Variants in NKAIN2 observed in about 807,000 individuals in gnomAD.
The protein encoded by NKAIN2 is sodium/potassium transporting ATPase interacting 2.
NKAIN2 carries 14 observed loss-of-function variants against 32.6 expected under a neutral mutation model. The observed-to-expected ratio is 0.43, with a 90% confidence interval of 0.28 to 0.67. NKAIN2 has a LOEUF of 0.67. Among genes scored for constraint, NKAIN2 ranks in the 30% least tolerant of loss-of-function variants. The pLI, the probability that NKAIN2 is intolerant of heterozygous loss-of-function variation, is 0.17. For synonymous variants in NKAIN2, 80 were observed against 87.2 expected, an observed-to-expected ratio of 0.92 and a Z score of 0.46; for missense variants, 198 against 258.3, an observed-to-expected ratio of 0.77 and a Z score of 1.60.
At chr6:123,878,712 G>T (rs1482368195) in intron 1 of NKAIN2, among the ~76,000 whole-genome samples, 2 of 152,082 alleles carry the variant, frequency 1.3e-5, no homozygotes, top group Non-Finnish European at 2.9e-5. Context: ...CACTACTGAT[G>T]CTCTGAATGC....
At chr6:123,866,604 G>C (rs557731524) in intron 1 of NKAIN2, among the ~76,000 whole-genome samples, 5 of 152,068 alleles carry the variant, frequency 3.3e-5, no homozygotes, top group African/African-American at 1.2e-4. Context: ...CCAATTTTTT[G>C]TATTTTTAGT....
At chr6:124,727,871 A>G (rs537893710) in intron 4 of NKAIN2, among the ~76,000 whole-genome samples, 32 of 149,138 alleles carry the variant, frequency 2.1e-4, no homozygotes, top group Non-Finnish European at 2.5e-4. Flanking sequence ...AGATCTACCA[A>G]GCAAACGGAA....
intron 4 of NKAIN2, among the ~76,000 whole-genome samples, chr6:124,728,462 G>A (rs1483253085): frequency 9.1e-6 from 1 of 110,284 alleles, no homozygotes; most frequent in Non-Finnish European, 1.8e-5. Flanking sequence ...TGACTACTGG[G>A]TACATAACGA....
chr6:124,667,172 T>A (rs909081770), intron 4 of NKAIN2, among the ~76,000 whole-genome samples: 1 of 152,150 alleles, frequency 6.6e-6, no homozygotes, highest in Non-Finnish European at 1.5e-5. Flanking sequence ...AATATATTTT[T>A]CTATGTGTAC....
At chr6:123,942,935 G>A (rs974724582) in intron 1 of NKAIN2, among the ~76,000 whole-genome samples, 3 of 151,912 alleles carry the variant, frequency 2.0e-5, no homozygotes, top group African/African-American at 7.2e-5. Context: ...CTTACTAAAC[G>A]ATTATTAGGT....
chr6:124,001,341 G>T (rs1779869796), intron 1 of NKAIN2, among the ~76,000 whole-genome samples: 1 of 151,908 alleles, frequency 6.6e-6, no homozygotes, highest in Admixed American at 6.6e-5. Context: ...CAACATGAAT[G>T]ATTTTATAGT....
chr6:124,811,813 T>A (rs1290945769), intron 5 of NKAIN2, among the ~76,000 whole-genome samples: 1 of 152,284 alleles, frequency 6.6e-6, no homozygotes, highest in East Asian at 1.9e-4. Flanking sequence ...TCCAAACTTA[T>A]CAAATTGCAC....
intron 3 of NKAIN2, among the ~76,000 whole-genome samples, chr6:124,653,635 A>C (rs1784442505): frequency 6.6e-6 from 1 of 152,080 alleles, no homozygotes; most frequent in Non-Finnish European, 1.5e-5. Flanking sequence ...GGCATGATCC[A>C]TGAAAAAAAG....
chr6:124,657,347 A>T (rs576745311), intron 3 of NKAIN2, among the ~76,000 whole-genome samples: 1 of 152,176 alleles, frequency 6.6e-6, no homozygotes, highest in East Asian at 1.9e-4. Flanking sequence ...CTTTTGATGC[A>T]TTTCCTTTAG....
chr6:124,567,546 A>T (rs1562260888), intron 3 of NKAIN2, among the ~76,000 whole-genome samples: 1 of 152,210 alleles, frequency 6.6e-6, no homozygotes, highest in Non-Finnish European at 1.5e-5. Context: ...TCTAACACTC[A>T]GCTTTTGCCA....
intron 1 of NKAIN2, among the ~76,000 whole-genome samples, chr6:124,003,070 C>T (rs918125834): frequency 3.9e-5 from 6 of 152,208 alleles, no homozygotes; most frequent in African/African-American, 1.4e-4. Flanking sequence ...GATATCTCTT[C>T]TTAACCAGAG....
intron 1 of NKAIN2, among the ~76,000 whole-genome samples, chr6:124,217,798 C>CAT: frequency 6.6e-6 from 1 of 151,684 alleles, no homozygotes; most frequent in South Asian, 2.1e-4. Context: ...CACACACACA[C>CAT]ATATACACAC....
rs1392137701 is a variant in NKAIN2 at position 124,256,897 on chromosome 6, T to TTG, written c.55-26107_55-26106insGT. On this transcript the variant is annotated intron_variant, in intron 1 of 6. Coordinates refer to ENST00000368417, the MANE Select transcript of NKAIN2 (RefSeq NM_001040214.3). Reference sequence around the variant, plus strand: ...TTAGCTTTCTGTTGTTTTTTTTTTTTTTTTTTTTTTTTGGTAAAATATTAG... The same window carrying TTG: ...TTAGCTTTCTGTTGTTTTTTTTTTTTTGTTTTTTTTTTTTGGTAAAATATTAG... 2.7e-5 allele frequency among the ~76,000 whole-genome samples: 4 copies of TTG among 148,170 alleles called. No individual in the cohort carries two copies. In the South Asian group the frequency reaches 6.4e-4, roughly 24 times the overall value.
At position 124,001,800 on chromosome 6, in the gene NKAIN2, A is replaced by AATATGTAT. The variant is rs1208005298; in HGVS notation, c.54+197550_54+197551insGTATATAT. Among the ~76,000 whole-genome samples the AATATGTAT allele has an allele frequency of 2.6e-3, 347 of 135,126 alleles. 2 individuals carry two copies. The highest frequency in any genetic ancestry group is 9.2e-3 in the African/African-American group (332 of 36,240). 88.6% of individuals were successfully genotyped at this position (135,126 alleles called of 152,430 possible). ...AGAAAAAGAAGTTCTCTTAGTTCTA[A>AATATGTAT]ATATATATATATATATATATATATA... On this transcript the variant is annotated intron_variant, in intron 1 of 6. Transcript: ENST00000368417.
chr6:124,657,816 T>A (rs566315617), intron 3 of NKAIN2, among the ~76,000 whole-genome samples: 2 of 152,136 alleles, frequency 1.3e-5, no homozygotes, highest in African/African-American at 4.8e-5. Flanking sequence ...AGATTTAGAA[T>A]AGCATGAACT....
chr6:123,882,933 G>A (rs1773516269), intron 1 of NKAIN2, among the ~76,000 whole-genome samples: 1 of 152,122 alleles, frequency 6.6e-6, no homozygotes, highest in South Asian at 2.1e-4. Context: ...AACTAAGCTG[G>A]TGAAACGGTG....
At chr6:124,486,382 C>T (rs772195279) in intron 3 of NKAIN2, among the ~76,000 whole-genome samples, 1 of 152,238 alleles carries the variant, frequency 6.6e-6, no homozygotes, top group Non-Finnish European at 1.5e-5. Context: ...AAACCTCTTA[C>T]TCCTTTATTT....
chr6:123,809,332 T>C (rs1220783018), intron 1 of NKAIN2, among the ~76,000 whole-genome samples: 1 of 46,136 alleles, frequency 2.2e-5, no homozygotes, highest in Non-Finnish European at 4.0e-5. Flanking sequence ...ACAATGTATG[T>C]AGGGCTACCT....
chr6:124,481,354 G>A (rs1364594856), intron 3 of NKAIN2, among the ~76,000 whole-genome samples: 1 of 151,778 alleles, frequency 6.6e-6, no homozygotes, highest in Admixed American at 6.6e-5. Context: ...GGGAAGAATG[G>A]ACTACAAAAT....
Sources: allele counts gnomAD v4.1 joint callset (sites outside exome capture counted in the v4.1 genomes callset), GRCh38; gene constraint gnomAD v4.1.1; transcripts MANE v1.5; gene names NCBI Gene and HGNC (gene_info 2026-07-23, HGNC 2026-07-21).